TTLL5: variants seen among roughly 807,000 people sequenced by gnomAD.
The protein encoded by TTLL5 is tubulin tyrosine ligase like 5, also known as tubulin polyglutamylase TTLL5.
A neutral mutation model predicts 168.4 loss-of-function variants in TTLL5; 132 were observed. The ratio of observed to expected loss-of-function variants is 0.78; its 90% CI spans 0.68 to 0.91. The LOEUF is 0.91. TTLL5 is among the 40% of genes least tolerant of loss of function. The probability of loss-of-function intolerance (pLI) is 0.00; values close to 1 mark genes in which losing one functional copy is unlikely to be tolerated. For synonymous variants in TTLL5, 546 were observed against 558.6 expected, an observed-to-expected ratio of 0.98 and a Z score of 0.32; for missense variants, 1,545 against 1,581.5, an observed-to-expected ratio of 0.98 and a Z score of 0.39.
chr14:75,782,325 G>C (rs1892108608), intron 24 of TTLL5, among the ~76,000 whole-genome samples, 162 bp from the exon 25 acceptor site: 1 of 152,094 alleles, frequency 6.6e-6, no homozygotes, highest in Non-Finnish European at 1.5e-5. Flanking sequence ...CTACTCCTTA[G>C]GGCTGTGGGT....
intron 12 of TTLL5, among the ~76,000 whole-genome samples, chr14:75,723,872 C>T (rs1228226810): frequency 6.6e-6 from 1 of 152,144 alleles, no homozygotes; most frequent in African/African-American, 2.4e-5. Flanking sequence ...ATTCCACTTC[C>T]TGTCAGCCCT....
intron 18 of TTLL5, among the ~76,000 whole-genome samples, chr14:75,759,769 C>T (rs1196455582): frequency 1.3e-5 from 2 of 151,904 alleles, no homozygotes; most frequent in Admixed American, 6.6e-5. Flanking sequence ...AGGGGAAAAA[C>T]TAGATTATCA....
chr14:75,867,045 G>A (rs562810957), intron 29 of TTLL5, among the ~76,000 whole-genome samples: 1 of 152,360 alleles, frequency 6.6e-6, no homozygotes, highest in East Asian at 1.9e-4. Context: ...TTAAGTCAGA[G>A]CAGAGGTCAG....
intron 30 of TTLL5, among the ~76,000 whole-genome samples, chr14:75,900,356 C>T (rs2032870334): frequency 1.3e-5 from 2 of 152,262 alleles, no homozygotes; most frequent in South Asian, 2.1e-4. Flanking sequence ...CTGATCCTTG[C>T]GCCAATGCTG....
intron 28 of TTLL5, among the ~76,000 whole-genome samples, chr14:75,828,725 C>G (rs956228002): frequency 6.6e-6 from 1 of 152,212 alleles, no homozygotes; most frequent in Non-Finnish European, 1.5e-5. Context: ...GTTGAATACT[C>G]TCAAATATCT....
chr14:75,807,428 A>G (rs1395538347), intron 27 of TTLL5, among the ~76,000 whole-genome samples: 1 of 152,244 alleles, frequency 6.6e-6, no homozygotes, highest in East Asian at 1.9e-4. Flanking sequence ...GCTACAAAGT[A>G]AGAAAGACCC....
intron 28 of TTLL5, among the ~76,000 whole-genome samples, chr14:75,832,169 C>T (rs894830976): frequency 6.6e-6 from 1 of 152,180 alleles, no homozygotes; most frequent in African/African-American, 2.4e-5. Flanking sequence ...TCACCATTGG[C>T]TCCTTGGCAT....
chr14:75,798,734 A>T (rs1193331063), intron 27 of TTLL5, among the ~76,000 whole-genome samples: 1 of 152,176 alleles, frequency 6.6e-6, no homozygotes, highest in Non-Finnish European at 1.5e-5. Flanking sequence ...ATGACCATTC[A>T]GGAGCAGACT....
At chr14:75,923,835 G>A (rs2033911076) in intron 31 of TTLL5, among the ~76,000 whole-genome samples, 1 of 152,186 alleles carries the variant, frequency 6.6e-6, no homozygotes, top group South Asian at 2.1e-4. Context: ...TATTGTGTGG[G>A]AGTCTAAGTC....
intron 31 of TTLL5, among the ~76,000 whole-genome samples, chr14:75,921,229 A>G (rs1051641269): frequency 6.6e-6 from 1 of 152,112 alleles, no homozygotes; most frequent in Non-Finnish European, 1.5e-5. Flanking sequence ...CTTTAGTTTA[A>G]TTAGATCCCA....
chr14:75,736,377 ATTAT>A (rs1489621415), intron 15 of TTLL5, among the ~76,000 whole-genome samples: 1 of 151,812 alleles, frequency 6.6e-6, no homozygotes, highest in Non-Finnish European at 1.5e-5. Context: ...TCCATATACT[ATTAT>A]TTATTCAGAT....
chr14:75,773,946 AGAG>A (rs1891521656), intron 21 of TTLL5, among the ~76,000 whole-genome samples: 3 of 44,974 alleles, frequency 6.7e-5, no homozygotes, highest in African/African-American at 2.0e-4. Context: ...AGAGAGAGAG[AGAG>A]AGAGAGAAAG....
At position 75,748,936 on chromosome 14, in the gene TTLL5, G is replaced by A. The variant is rs528882954; in HGVS notation, c.1487+3355G>A. On this transcript the variant is annotated intron_variant, in intron 17 of 31. Transcript: ENST00000298832. The stretch of plus-strand genomic sequence containing the variant: ...GCATTTTGACCTAGTTGGGATGTTC[G>A]TGGTTCTAAGTATAGAGGTAGAACT... Among the ~76,000 whole-genome samples, 531 of 152,208 alleles carry A rather than the reference G, an allele frequency of 3.5e-3. 1 individual carries two copies. The highest frequency in any genetic ancestry group is 0.01 in the Middle Eastern group (3 of 294).
chr14:75,763,531 TAGG>T (rs1890789526), intron 18 of TTLL5, among the ~76,000 whole-genome samples: 1 of 152,114 alleles, frequency 6.6e-6, no homozygotes, highest in South Asian at 2.1e-4. Flanking sequence ...CCAGAGGAGT[TAGG>T]ATGATTTCTT....
intron 30 of TTLL5, among the ~76,000 whole-genome samples, chr14:75,884,569 G>T (rs2031996459): frequency 6.6e-6 from 1 of 152,172 alleles, no homozygotes; most frequent in Non-Finnish European, 1.5e-5. Context: ...ATGCACAGAA[G>T]GGGGGAAAAA....
intron 28 of TTLL5, among the ~76,000 whole-genome samples, chr14:75,851,892 C>T (rs191288657): frequency 6.6e-6 from 1 of 152,160 alleles, no homozygotes; most frequent in African/African-American, 2.4e-5. Context: ...TGTTTAGTAC[C>T]CTTATTGGTT....
At chr14:75,732,110 A>G (rs902700213) in intron 12 of TTLL5, 2 of 457,308 alleles carry the variant, frequency 4.4e-6, no homozygotes, top group African/African-American at 2.1e-5. Context: ...TAGACACTGC[A>G]TGATAAAAAC....
chr14:75,798,326 T>G (rs1013221048), intron 27 of TTLL5, among the ~76,000 whole-genome samples: 3 of 152,108 alleles, frequency 2.0e-5, no homozygotes, highest in Non-Finnish European at 4.4e-5. Flanking sequence ...TATTTGGATC[T>G]TCTCTCTTCT....
At chr14:75,879,359 A>T (rs909677800) in intron 29 of TTLL5, among the ~76,000 whole-genome samples, 1 of 152,222 alleles carries the variant, frequency 6.6e-6, no homozygotes, top group Non-Finnish European at 1.5e-5. Context: ...ATCTTGAAGA[A>T]ATGCATAAGC....
Sources: allele counts gnomAD v4.1 joint callset (sites outside exome capture counted in the v4.1 genomes callset), GRCh38; gene constraint gnomAD v4.1.1; transcripts MANE v1.5; gene names NCBI Gene and HGNC (gene_info 2026-07-23, HGNC 2026-07-21).